The following RBMS3 variants were observed in gnomAD, a reference collection of about 807,000 sequenced individuals.
RBMS3 encodes the protein RNA-binding motif, single-stranded-interacting protein 3.
RBMS3 carries 27 observed loss-of-function variants against 66.8 expected under a neutral mutation model. The ratio of observed to expected loss-of-function variants is 0.40; its 90% CI spans 0.30 to 0.56. RBMS3 has a LOEUF of 0.56. Ranked by LOEUF, RBMS3 falls within the 20% of genes least tolerant of loss-of-function variation. The pLI is 0.40. For missense variants in RBMS3, 513 were observed against 549.5 expected (o/e 0.93, Z 0.66); for synonymous variants, 188 against 183.0 (o/e 1.03, Z -0.22).
chr3:29,517,353 C>T (rs1371447162), intron 3 of RBMS3, among the ~76,000 whole-genome samples: 6 of 147,716 alleles, frequency 4.1e-5, no homozygotes, highest in Non-Finnish European at 5.9e-5. Context: ...AACAGAGTCT[C>T]GCTCTGTTGC....
At chr3:29,355,735 T>C (rs1446556141) in intron 1 of RBMS3, among the ~76,000 whole-genome samples, 3 of 152,156 alleles carry the variant, frequency 2.0e-5, no homozygotes, top group South Asian at 2.1e-4. Context: ...GCATTGAGTG[T>C]ATAGTACTTC....
At chr3:29,833,718 T>C (rs1039687384) in intron 6 of RBMS3, among the ~76,000 whole-genome samples, 7 of 151,988 alleles carry the variant, frequency 4.6e-5, no homozygotes, top group Non-Finnish European at 8.8e-5. Flanking sequence ...ACGGTCACTG[T>C]ATGGGAGCTC....
intron 6 of RBMS3, among the ~76,000 whole-genome samples, chr3:29,827,346 C>T (rs1306383664): frequency 6.6e-6 from 1 of 152,162 alleles, no homozygotes; most frequent in African/African-American, 2.4e-5. Context: ...ATGGTTCTTT[C>T]AGGGCCATAT....
chr3:29,654,283 G>GATTT (rs1306446449), intron 4 of RBMS3, among the ~76,000 whole-genome samples: 1 of 152,122 alleles, frequency 6.6e-6, no homozygotes, highest in African/African-American at 2.4e-5. Context: ...AAAGAATCTA[G>GATTT]ATTTCTTAAC....
chr3:29,564,683 T>G (rs934777629), intron 3 of RBMS3, among the ~76,000 whole-genome samples: 1 of 152,080 alleles, frequency 6.6e-6, no homozygotes, highest in African/African-American at 2.4e-5. Context: ...TGGAGTTTGG[T>G]TTTGTCTACC....
Position 29,281,573 on chromosome 3 carries a change from C to G in RBMS3, c.-109C>G. The G allele has an allele frequency of 1.2e-6, 1 of 824,906 alleles. No homozygotes were observed. The highest frequency in any genetic ancestry group is 1.5e-5 in the South Asian group (1 of 66,548). 51.1% of individuals were successfully genotyped at this position (824,906 alleles called of 1,614,324 possible). On this transcript the variant is annotated 5_prime_UTR_variant, in exon 1 of 15. Transcript: ENST00000383767. ...TAGCGAGTGGTGGAGTCTCTGAAGCCTCATCAGTCACCGGGACTGTCAGGA... is the reference window on the plus strand; with the variant it reads ...TAGCGAGTGGTGGAGTCTCTGAAGCGTCATCAGTCACCGGGACTGTCAGGA...
chr3:30,003,267 A>ATATACACCTATT (rs1699689897), intron 14 of RBMS3, among the ~76,000 whole-genome samples: 2 of 152,026 alleles, frequency 1.3e-5, no homozygotes, highest in African/African-American at 2.4e-5. Context: ...ATATTTTTCT[A>ATATACACCTATT]GTTAAACACC....
chr3:29,901,444 A>G lies in RBMS3; in HGVS notation c.939+1689A>G, dbSNP rs767381100. On this transcript the variant is annotated intron_variant, in intron 10 of 14. Coordinates refer to ENST00000383767, the MANE Select transcript of RBMS3 (RefSeq NM_001003793.3). The stretch of plus-strand genomic sequence containing the variant: ...TCTGGCAAAATCTGAATATTTTACC[A>G]GATGTCAAACTATGTAAGATTCTTC... Among the ~76,000 whole-genome samples the G allele has an allele frequency of 2.6e-5, 4 of 151,832 alleles. No individual in the cohort carries two copies. The Admixed American group carries it at 2.6e-4, about 10-fold the overall frequency.
rs574147745 is a variant in RBMS3, at chr3:29,532,238, ATATATATGTATATATATATATATG to A, written c.307+43747_307+43770del. Among the ~76,000 whole-genome samples the A allele has an allele frequency of 8.8e-3, 639 of 72,706 alleles. 18 individuals carry two copies. Among genetic ancestry groups the A allele is most frequent in the Middle Eastern group, 0.048 (7 of 146 alleles). 47.7% of individuals were successfully genotyped at this position (72,706 alleles called of 152,430 possible). A position where few individuals can be genotyped will look rare whatever the true frequency, so the allele number is the denominator to read the frequency against. On this transcript the variant is annotated intron_variant, in intron 3 of 14. Coordinates refer to ENST00000383767, the MANE Select transcript of RBMS3 (RefSeq NM_001003793.3). ...TCTTTCAGTCTTATTTTAATTTCGC[ATATATATGTATATATATATATATG>A]TATATATATATATATATATTTCCAT...
At chr3:29,698,319 C>T in intron 4 of RBMS3, 1 of 985,394 alleles carries the variant, frequency 1.0e-6, no homozygotes, top group South Asian at 4.7e-5. Context: ...AATCAACAAT[C>T]CTTTGCTTTT....
At chr3:29,990,811 TA>T (rs1467312799) in intron 13 of RBMS3, among the ~76,000 whole-genome samples, 5 of 152,160 alleles carry the variant, frequency 3.3e-5, no homozygotes, top group African/African-American at 1.2e-4. Context: ...AAACCTGGTT[TA>T]AAAGTTCCAA....
chr3:29,587,732 A>T (rs1180237427), intron 4 of RBMS3, among the ~76,000 whole-genome samples: 2 of 151,834 alleles, frequency 1.3e-5, no homozygotes, highest in East Asian at 3.9e-4. Context: ...AATGAGTTTA[A>T]CTGAAGTGTA....
intron 2 of RBMS3, among the ~76,000 whole-genome samples, chr3:29,438,943 C>A (rs2041504358): frequency 6.6e-6 from 1 of 152,048 alleles, no homozygotes; most frequent in African/African-American, 2.4e-5. Flanking sequence ...CAAGATTAGA[C>A]CTAGTTAGGG....
rs777421236 is a variant in RBMS3, at chr3:30,003,874, G to A, written c.*12G>A. On this transcript the variant is annotated 3_prime_UTR_variant, in exon 15 of 15. Coordinates refer to ENST00000383767, the MANE Select transcript of RBMS3 (RefSeq NM_001003793.3). ...TTCACAGACCATAAACAGGACTGAA[G>A]AATGTCTGTCTGAATCTTTGCCTTG... The A allele has an allele frequency of 6.9e-6, 10 of 1,450,214 alleles. No homozygotes were observed. The highest frequency in any genetic ancestry group is 7.3e-6 in the Non-Finnish European group (8 of 1,095,412). The allele number at this position is 1,450,214 out of a possible 1,614,324, so 89.8% of individuals were successfully genotyped here.
intron 1 of RBMS3, among the ~76,000 whole-genome samples, chr3:29,368,922 C>T (rs1559523603): frequency 6.6e-6 from 1 of 152,120 alleles, no homozygotes; most frequent in Admixed American, 6.6e-5. Flanking sequence ...AAATGTCCAT[C>T]AGTGGTAGAC....
chr3:29,908,180 G>A (rs114915411), intron 10 of RBMS3, among the ~76,000 whole-genome samples: 12 of 151,952 alleles, frequency 7.9e-5, no homozygotes, highest in African/African-American at 2.9e-4. Flanking sequence ...GAGGATAGAA[G>A]CTCAAGGCTA....
At chr3:29,781,641 A>G (rs1027064714) in intron 6 of RBMS3, among the ~76,000 whole-genome samples, 11 of 152,064 alleles carry the variant, frequency 7.2e-5, no homozygotes, top group African/African-American at 2.7e-4. Context: ...CTAAATTTTA[A>G]AAGTTGAAAT....
At chr3:29,995,870 A>C (rs1699194737) in intron 14 of RBMS3, among the ~76,000 whole-genome samples, 1 of 152,144 alleles carries the variant, frequency 6.6e-6, no homozygotes, top group Non-Finnish European at 1.5e-5. Flanking sequence ...TAATGAGCAA[A>C]ATAACCAGCT....
intron 1 of RBMS3, among the ~76,000 whole-genome samples, chr3:29,412,362 A>G (rs2040300181): frequency 6.6e-6 from 1 of 152,214 alleles, no homozygotes; most frequent in Non-Finnish European, 1.5e-5. Context: ...AGAGAACTGC[A>G]GAAGGAGAAG....
Sources: allele counts gnomAD v4.1 joint callset (sites outside exome capture counted in the v4.1 genomes callset), GRCh38; gene constraint gnomAD v4.1.1; transcripts MANE v1.5; gene names NCBI Gene and HGNC (gene_info 2026-07-23, HGNC 2026-07-21).